Variants in ANOS1 observed in about 807,000 individuals in gnomAD.
ANOS1 encodes anosmin-1.
ANOS1 carries 6 observed loss-of-function variants against 59.0 expected under a neutral mutation model. The observed-to-expected ratio is 0.10, with a 90% CI of 0.06 to 0.20. The LOEUF (loss-of-function observed/expected upper bound fraction) is 0.20. Among genes scored for constraint, ANOS1 ranks in the 10% least tolerant of loss-of-function variants. ANOS1 has a pLI of 1.00. For synonymous variants in ANOS1, 217 were observed against 223.4 expected (o/e 0.97, Z 0.25); for missense variants, 433 against 542.3 (o/e 0.80, Z 2.00).
chrX:8,557,323 T>C (rs1458910062), intron 8 of ANOS1, among the ~76,000 whole-genome samples: 1 of 111,667 alleles, frequency 9.0e-6, no homozygotes, highest in African/African-American at 3.3e-5. Context: ...AGTTGACAAA[T>C]GGGATCTAAT....
At chrX:8,699,113 T>C (rs1205208758) in intron 2 of ANOS1, among the ~76,000 whole-genome samples, 1 of 111,486 alleles carries the variant, frequency 9.0e-6, no homozygotes, top group Non-Finnish European at 1.9e-5. Flanking sequence ...CCATCATATA[T>C]ATATTTAAAA....
At chrX:8,606,203 T>G (rs780244907) in intron 3 of ANOS1, among the ~76,000 whole-genome samples, 2 of 112,376 alleles carry the variant, frequency 1.8e-5, no homozygotes, top group African/African-American at 6.5e-5. Context: ...ACACCATCCA[T>G]AGACCCCTGT....
chrX:8,731,703 G>A, intron 1 of ANOS1, 127 bp downstream of exon 1: 1 of 1,087,036 alleles, frequency 9.2e-7, no homozygotes, highest in Non-Finnish European at 1.2e-6. Context: ...CACGCCCAGG[G>A]GAAGCCAGGA....
At chrX:8,641,739 A>G (rs1931668220) in intron 2 of ANOS1, among the ~76,000 whole-genome samples, 1 of 112,249 alleles carries the variant, frequency 8.9e-6, no homozygotes, top group Non-Finnish European at 1.9e-5. Flanking sequence ...AATGATTTAA[A>G]ATTGTGTGGT....
At position 8,535,687 on chromosome X, in the gene ANOS1, C is replaced by T. The variant is rs1929578085; in HGVS notation, c.1746G>A (p.Met582Ile). ...CAGCCCAAGTCACTTGAAACCCAGT[C>T]ATGGGCTGATAGAGATTGGCCTTGG... ...KMAKANLYQP[M>I]TGFQVTWAEV... The change falls in exon 12 of 14, where the codon ATG (methionine) becomes ATA (isoleucine). Residue 582 changes from methionine to isoleucine, a missense_variant. Physicochemically the swap from Met to Ile is conservative, Grantham distance 10. Transcript: ENST00000262648. 8.3e-7 allele frequency: 1 copy of T among 1,209,448 alleles called. No homozygotes were observed. The highest frequency in any genetic ancestry group is 2.2e-5 in the Admixed American group (1 of 45,886).
At chrX:8,653,854 G>C (rs1333441290) in intron 2 of ANOS1, among the ~76,000 whole-genome samples, 2 of 112,105 alleles carry the variant, frequency 1.8e-5, no homozygotes, top group African/African-American at 6.5e-5. Context: ...TAAATATCCA[G>C]TGCATGAGTG....
intron 1 of ANOS1, among the ~76,000 whole-genome samples, chrX:8,702,455 A>G (rs1285227067): frequency 9.0e-6 from 1 of 111,518 alleles, no homozygotes; most frequent in Non-Finnish European, 1.9e-5. Context: ...CAACTGCAAA[A>G]AGCAGGGGCC....
intron 3 of ANOS1, among the ~76,000 whole-genome samples, chrX:8,606,016 C>T (rs1453732891): frequency 1.8e-5 from 2 of 110,970 alleles, no homozygotes; most frequent in Non-Finnish European, 3.8e-5. Context: ...ATGTGCCATG[C>T]AATGGCAAAA....
Position 8,541,412 on chromosome X carries a change from C to G in ANOS1, c.1355-1654G>C, listed in dbSNP as rs768247338. On this transcript the variant is annotated intron_variant, in intron 9 of 13. Coordinates refer to ENST00000262648, the MANE Select transcript of ANOS1 (RefSeq NM_000216.4). ...GAGCAAAACTCCGTCTCCCACCACC[C>G]CCCCCCCAAAAACAAAAAAACAAAA... Among the ~76,000 whole-genome samples the G allele has an allele frequency of 3.8e-3, 381 of 100,983 alleles. 6 individuals carry two copies. The highest frequency in any genetic ancestry group is 0.013 in the African/African-American group (359 of 27,741). The allele number at this position is 100,983 out of a possible 115,157, so 87.7% of individuals were successfully genotyped here.
chrX:8,627,196 G>A (rs1931411564), intron 2 of ANOS1, among the ~76,000 whole-genome samples: 3 of 112,228 alleles, frequency 2.7e-5, no homozygotes, highest in Admixed American at 1.9e-4. Flanking sequence ...CTGAAAATAA[G>A]CATGTGATTT....
intron 6 of ANOS1, among the ~76,000 whole-genome samples, chrX:8,575,223 T>TC (rs773300265): frequency 9.6e-4 from 108 of 112,415 alleles, no homozygotes; most frequent in Non-Finnish European, 1.7e-3. Context: ...CAACACCTCT[T>TC]CCTCTGGTGT....
rs775264977 is a variant in ANOS1 at position 8,557,043 on chromosome X, T to TCTTTGACAAA, written c.1208-2955_1208-2946dup. Reference sequence around the variant, plus strand: ...ACACCACACATCTACAACCATCTGATCTTTGACAAACCTGACAAAAGCAAT... The same window carrying TCTTTGACAAA: ...ACACCACACATCTACAACCATCTGATCTTTGACAAACTTTGACAAACCTGACAAAAGCAAT... On this transcript the variant is annotated intron_variant, in intron 8 of 13. Coordinates refer to ENST00000262648, the MANE Select transcript of ANOS1 (RefSeq NM_000216.4). 6.5e-3 allele frequency among the ~76,000 whole-genome samples: 725 copies of TCTTTGACAAA among 111,754 alleles called. 3 individuals are homozygous for TCTTTGACAAA. The highest frequency in any genetic ancestry group is 0.023 in the African/African-American group (697 of 30,734).
intron 2 of ANOS1, among the ~76,000 whole-genome samples, chrX:8,683,310 TTTAA>T (rs767320241): frequency 9.0e-6 from 1 of 111,070 alleles, no homozygotes; most frequent in East Asian, 2.9e-4. Flanking sequence ...ATATTAATCT[TTTAA>T]TTAATATTAA....
Position 8,546,371 on chromosome X carries a change from C to G in ANOS1, c.1355-6613G>C, listed in dbSNP as rs146338583. Among the ~76,000 whole-genome samples, 494 of 112,613 alleles carry G rather than the reference C, an allele frequency of 4.4e-3. 1 individual carries two copies. Among genetic ancestry groups the G allele is most frequent in the African/African-American group, 0.015 (463 of 31,034 alleles). On this transcript the variant is annotated intron_variant, in intron 9 of 13. Transcript: ENST00000262648. Reference sequence around the variant, plus strand: ...CTCCCTTCTATCATGTGTTCAACATCATGAGCTCTGCTACAATTTATATGT... The same window carrying G: ...CTCCCTTCTATCATGTGTTCAACATGATGAGCTCTGCTACAATTTATATGT...
At chrX:8,566,062 C>G (rs1021689993) in intron 8 of ANOS1, 28 of 754,562 alleles carry the variant, frequency 3.7e-5, no homozygotes, top group Non-Finnish European at 4.4e-5. Flanking sequence ...TCTCTACACT[C>G]ATCCACGCTG....
In ANOS1 at chrX:8,685,597, GAAGAAAGAAAGAAAGAAAGAAAGA is replaced by G. The variant is rs557905634; in HGVS notation, c.255+14077_255+14100del. On this transcript the variant is annotated intron_variant, in intron 2 of 13. Coordinates refer to ENST00000262648, the MANE Select transcript of ANOS1 (RefSeq NM_000216.4). ...AGGAAGGAAAGAAAGAGAAAGAAAG[GAAGAAAGAAAGAAAGAAAGAAAGA>G]AAGAAAGAAAGAAAGAAAGAAAGAA... Among the ~76,000 whole-genome samples, 154 of 57,269 alleles carry G rather than the reference GAAGAAAGAAAGAAAGAAAGAAAGA, an allele frequency of 2.7e-3. 1 individual carries two copies. The highest frequency in any genetic ancestry group is 8.4e-3 in the African/African-American group (130 of 15,464). 49.7% of individuals were successfully genotyped at this position (57,269 alleles called of 115,157 possible). A position where few individuals can be genotyped will look rare whatever the true frequency, so the allele number is the denominator to read the frequency against.
At chrX:8,668,632 T>C (rs1051624515) in intron 2 of ANOS1, among the ~76,000 whole-genome samples, 1 of 106,624 alleles carries the variant, frequency 9.4e-6, no homozygotes, top group Non-Finnish European at 1.9e-5. Flanking sequence ...CATTGACTGA[T>C]GATCATTTGG....
chrX:8,656,614 C>A (rs775124799), intron 2 of ANOS1, among the ~76,000 whole-genome samples: 1 of 111,302 alleles, frequency 9.0e-6, no homozygotes, highest in Non-Finnish European at 1.9e-5. Context: ...ATCTTCTTAC[C>A]CATCTCCCTG....
At chrX:8,691,571 G>A (rs907403902) in intron 2 of ANOS1, among the ~76,000 whole-genome samples, 2 of 111,750 alleles carry the variant, frequency 1.8e-5, no homozygotes, top group African/African-American at 6.5e-5. Flanking sequence ...AGGAATGCTG[G>A]TGCTGAAATG....
Sources: gnomAD v4.1 joint callset for allele counts (sites outside exome capture counted in the v4.1 genomes callset) on GRCh38, gnomAD v4.1.1 for gene constraint, MANE v1.5 for transcripts, NCBI Gene and HGNC (gene_info 2026-07-23, HGNC 2026-07-21) for gene names.